The following CEP83 variants were observed in gnomAD, a reference collection of about 807,000 sequenced individuals.
CEP83 encodes centrosomal protein of 83 kDa.
A neutral mutation model predicts 101.9 loss-of-function variants in CEP83; 70 were observed. The ratio of observed to expected loss-of-function variants is 0.69; its 90% CI spans 0.57 to 0.84. The LOEUF is 0.84. CEP83 is among the 40% of genes least tolerant of loss of function. The probability of loss-of-function intolerance (pLI) is 0.00; values close to 1 mark genes in which losing one functional copy is unlikely to be tolerated. For missense variants in CEP83, 715 were observed against 787.2 expected (o/e 0.91, Z 1.10); for synonymous variants, 264 against 267.9 (o/e 0.99, Z 0.14).
intron 6 of CEP83, among the ~76,000 whole-genome samples, chr12:94,380,406 G>A (rs1263284240): frequency 1.3e-5 from 2 of 152,156 alleles, no homozygotes; most frequent in Non-Finnish European, 2.9e-5. Context: ...TATCCTTGAA[G>A]GCAGCTGTGG....
intron 14 of CEP83, among the ~76,000 whole-genome samples, chr12:94,317,893 T>A (rs1367106335): frequency 6.6e-6 from 1 of 152,110 alleles, no homozygotes; most frequent in Non-Finnish European, 1.5e-5. Flanking sequence ...ATAGGATTGC[T>A]GTGGCTATTT....
chr12:94,312,810 TA>T, intron 15 of CEP83, 103 bp downstream of exon 15: 2 of 1,247,228 alleles, frequency 1.6e-6, no homozygotes, highest in Non-Finnish European at 2.1e-6. Flanking sequence ...TAGAAATCTT[TA>T]AAATGTATAT....
At chr12:94,316,528 A>G (rs1356844302) in intron 14 of CEP83, among the ~76,000 whole-genome samples, 3 of 152,072 alleles carry the variant, frequency 2.0e-5, no homozygotes, top group Middle Eastern at 3.2e-3. Context: ...TCACCCAGGT[A>G]CTAAGCCTAG....
the CEP83 span, chr12:94,277,608 GA>G: frequency 3.4e-6 from 1 of 291,682 alleles, no homozygotes. Flanking sequence ...GGTGGACTGG[GA>G]TGAAAGCCAG....
the CEP83 span, among the ~76,000 whole-genome samples, chr12:94,273,210 T>C: frequency 6.6e-6 from 1 of 152,196 alleles, no homozygotes. Context: ...ATTACAAATC[T>C]AGAACCATAT....
At chr12:94,448,265 C>T (rs2066956282) in intron 1 of CEP83, among the ~76,000 whole-genome samples, 1 of 151,984 alleles carries the variant, frequency 6.6e-6, no homozygotes, top group Non-Finnish European at 1.5e-5. Flanking sequence ...GAAGATATAA[C>T]AATAACTGTC....
chr12:94,368,450 G>A, intron 9 of CEP83: 1 of 377,534 alleles, frequency 2.6e-6, no homozygotes, highest in Non-Finnish European at 4.7e-6. Context: ...TTTAATAAAA[G>A]CTGTATACAT....
rs11531146 is a variant in CEP83, at chr12:94,356,739, C to T, written c.1343+11055G>A. On this transcript the variant is annotated intron_variant, in intron 11 of 16. Coordinates refer to ENST00000397809, the MANE Select transcript of CEP83 (RefSeq NM_016122.3). ...GTTACTGTTTCCAGTCGGATGATTCCTACTGACTGGGACGCTCTTACTCGA... is the reference window on the plus strand; with the variant it reads ...GTTACTGTTTCCAGTCGGATGATTCTTACTGACTGGGACGCTCTTACTCGA... Among the ~76,000 whole-genome samples the T allele has an allele frequency of 6.6e-5, 10 of 152,272 alleles. 1 individual carries two copies. In the East Asian group the frequency reaches 1.9e-3, roughly 29 times the overall value.
chr12:94,416,336 G>T (rs1234411271), intron 2 of CEP83, among the ~76,000 whole-genome samples: 1 of 152,130 alleles, frequency 6.6e-6, no homozygotes, highest in Non-Finnish European at 1.5e-5. Flanking sequence ...ACCTGAGAAT[G>T]TAAGGACAAA....
At chr12:94,425,877 T>C (rs756183519) in intron 2 of CEP83, among the ~76,000 whole-genome samples, 3 of 152,052 alleles carry the variant, frequency 2.0e-5, no homozygotes, top group African/African-American at 7.2e-5. Flanking sequence ...TCCCAGCACT[T>C]TGGGAGGCCA....
At position 94,411,781 on chromosome 12, in the gene CEP83, C is replaced by T. The variant is rs751512610; in HGVS notation, c.240G>A (p.Gln80=). ...LKHLFNEKQT[Q]QEKLQLLLEE... is the part of the protein sequence containing the mutation. ...CAAGCAGGAGCTGAAGTTTTTCCTG[C>T]TGAGTTTGCTTTTCATTAAACAGGT... The change falls in exon 4 of 17, where the codon CAG becomes CAA. Residue 80 remains glutamine, a synonymous_variant. Coordinates refer to ENST00000397809, the MANE Select transcript of CEP83 (RefSeq NM_016122.3). 2.0e-5 allele frequency: 32 copies of T among 1,612,632 alleles called. No homozygotes were observed. The highest frequency in any genetic ancestry group is 2.5e-5 in the Non-Finnish European group (30 of 1,179,250).
At chr12:94,334,643 T>C (rs1288567890) in intron 12 of CEP83, among the ~76,000 whole-genome samples, 1 of 152,044 alleles carries the variant, frequency 6.6e-6, no homozygotes, top group Non-Finnish European at 1.5e-5. Flanking sequence ...AATAAATGGG[T>C]AATAATCTCA....
At chr12:94,357,864 G>C (rs1307492809) in intron 11 of CEP83, among the ~76,000 whole-genome samples, 1 of 152,194 alleles carries the variant, frequency 6.6e-6, no homozygotes, top group Non-Finnish European at 1.5e-5. Context: ...ACATAGCACA[G>C]CTCCTGATTG....
At chr12:94,407,652 A>G (rs2137701176) in intron 4 of CEP83, among the ~76,000 whole-genome samples, 1 of 152,250 alleles carries the variant, frequency 6.6e-6, no homozygotes, top group South Asian at 2.1e-4. Flanking sequence ...CTTATTAAAA[A>G]CAAATACACA....
At chr12:94,448,267 A>G (rs2066956568) in intron 1 of CEP83, among the ~76,000 whole-genome samples, 3 of 152,198 alleles carry the variant, frequency 2.0e-5, no homozygotes, top group Non-Finnish European at 4.4e-5. Flanking sequence ...AGATATAACA[A>G]TAACTGTCCA....
At chr12:94,453,007 T>C (rs556938737) in intron 1 of CEP83, among the ~76,000 whole-genome samples, 2 of 152,354 alleles carry the variant, frequency 1.3e-5, no homozygotes, top group Non-Finnish European at 2.9e-5. Flanking sequence ...TTCAGATCTT[T>C]GTAGAGGGCA....
chr12:94,408,036 T>G (rs1012932466), intron 4 of CEP83: 1 of 152,200 alleles, frequency 6.6e-6, no homozygotes, highest in African/African-American at 2.4e-5. Context: ...CAGGCTGGTC[T>G]CGAACTCCTG....
At chr12:94,447,252 G>A (rs2066877697) in intron 1 of CEP83, among the ~76,000 whole-genome samples, 1 of 152,198 alleles carries the variant, frequency 6.6e-6, no homozygotes, top group Admixed American at 6.5e-5. Context: ...AGTGGCTCAT[G>A]CCTGTAATCC....
chr12:94,457,970 G>A (rs1026416151), intron 1 of CEP83, among the ~76,000 whole-genome samples: 1 of 152,146 alleles, frequency 6.6e-6, no homozygotes, highest in Non-Finnish European at 1.5e-5. Context: ...GTCAAGGTGG[G>A]CAGATCGCCT....
Sources: gnomAD v4.1 joint callset for allele counts (sites outside exome capture counted in the v4.1 genomes callset) on GRCh38, gnomAD v4.1.1 for gene constraint, MANE v1.5 for transcripts, NCBI Gene and HGNC (gene_info 2026-07-23, HGNC 2026-07-21) for gene names.